CD96: variants seen among roughly 807,000 people sequenced by gnomAD.
The protein encoded by CD96 is CD96 molecule, also known as T-cell surface protein tactile.
A neutral mutation model predicts 71.3 loss-of-function variants in CD96; 70 were observed. The ratio of observed to expected loss-of-function variants is 0.98; its 90% CI spans 0.81 to 1.20. The LOEUF is 1.20. Ranked by LOEUF, CD96 falls within the 50% of genes most tolerant of loss-of-function variation. CD96 has a pLI of 0.00. For synonymous variants in CD96, 248 were observed against 233.0 expected (o/e 1.06, Z -0.59); for missense variants, 742 against 677.5 (o/e 1.10, Z -1.06).
chr3:111,549,258 C>A (rs1324618151), intron 2 of CD96, among the ~76,000 whole-genome samples: 1 of 151,520 alleles, frequency 6.6e-6, no homozygotes, highest in Admixed American at 6.6e-5. Context: ...AAGAACAGGA[C>A]ATGCAAAGGT....
rs1435692675 is a variant in CD96, at chr3:111,652,278, C to G, written c.*2472C>G. ...TAGTTCCTTATTAGTTCTCAAGAAACAAATGCTAGCTTCATATGTATGGCT... is the reference window on the plus strand; with the variant it reads ...TAGTTCCTTATTAGTTCTCAAGAAAGAAATGCTAGCTTCATATGTATGGCT... On this transcript the variant is annotated 3_prime_UTR_variant, in exon 14 of 14. Coordinates refer to ENST00000352690, the MANE Select transcript of CD96 (RefSeq NM_005816.5). The G allele has an allele frequency of 6.6e-6, 1 of 152,128 alleles. No homozygotes were observed. The highest frequency in any genetic ancestry group is 1.5e-5 in the Non-Finnish European group (1 of 68,022). The allele number at this position is 152,128 out of a possible 1,614,324, so 9.4% of individuals were successfully genotyped here.
At chr3:111,622,564 A>T (rs1938566251) in intron 8 of CD96, among the ~76,000 whole-genome samples, 1 of 152,194 alleles carries the variant, frequency 6.6e-6, no homozygotes, top group African/African-American at 2.4e-5. Context: ...TATTCATTTG[A>T]TTTGATTGCC....
At chr3:111,582,964 C>T (rs1270529861) in intron 4 of CD96, among the ~76,000 whole-genome samples, 1 of 152,206 alleles carries the variant, frequency 6.6e-6, no homozygotes, top group Admixed American at 6.5e-5. Context: ...AACAGTCCCC[C>T]ATATTCTCAA....
At chr3:111,588,286 C>G (rs1243910051) in intron 5 of CD96, among the ~76,000 whole-genome samples, 1 of 152,182 alleles carries the variant, frequency 6.6e-6, no homozygotes, top group Non-Finnish European at 1.5e-5. Context: ...AGGGTAGGGG[C>G]AAAATGCCAC....
chr3:111,553,089 A>G (rs1934800244), intron 2 of CD96, among the ~76,000 whole-genome samples: 2 of 151,932 alleles, frequency 1.3e-5, no homozygotes. Flanking sequence ...TCATTAAAAA[A>G]AAGCCATAAT....
chr3:111,582,302 G>A (rs539500103), intron 4 of CD96, among the ~76,000 whole-genome samples: 1 of 152,300 alleles, frequency 6.6e-6, no homozygotes, highest in African/African-American at 2.4e-5. Flanking sequence ...AGTCATAGAA[G>A]GCTGTGTTTG....
chr3:111,545,266 T>TC lies in CD96; in HGVS notation c.284dup (p.Glu96Ter). ...AGTCACTTGTGACTTTCACAGAAAC[T>TC]CCTGAGAATGGGTCAAAATGGACTC... is the stretch of plus-strand genomic sequence containing the variant. On this transcript the variant is annotated frameshift_variant, in exon 2 of 14. Coordinates refer to ENST00000352690, the MANE Select transcript of CD96 (RefSeq NM_005816.5). LOFTEE classifies it high-confidence loss of function. The TC allele has an allele frequency of 6.2e-7, 1 of 1,614,056 alleles. No homozygotes were observed. Among genetic ancestry groups the TC allele is most frequent in the Non-Finnish European group, 8.5e-7 (1 of 1,179,972 alleles).
In CD96 at chr3:111,606,691, TC is replaced by T; in HGVS notation, c.1088-7del. On this transcript the variant is annotated splice_polypyrimidine_tract_variant and splice_region_variant and intron_variant, in intron 7 of 13. Coordinates refer to ENST00000352690, the MANE Select transcript of CD96 (RefSeq NM_005816.5). ...TTGTTCATTATAAATCTCTTTCTAATCCTTTAAGGTTCTGAAATTTCCTCAA... is the reference window on the plus strand; with the variant it reads ...TTGTTCATTATAAATCTCTTTCTAATCTTTAAGGTTCTGAAATTTCCTCAA... The T allele has an allele frequency of 7.2e-7, 1 of 1,388,962 alleles. No homozygotes were observed. The highest frequency in any genetic ancestry group is 1.0e-6 in the Non-Finnish European group (1 of 974,534). 86.0% of individuals were successfully genotyped at this position (1,388,962 alleles called of 1,614,324 possible).
intron 5 of CD96, among the ~76,000 whole-genome samples, chr3:111,591,011 G>C (rs1368042650): frequency 6.6e-6 from 1 of 152,092 alleles, no homozygotes; most frequent in Non-Finnish European, 1.5e-5. Flanking sequence ...TGAAACATAG[G>C]AAACAAAAGC....
chr3:111,593,395 A>T, intron 5 of CD96: 1 of 971,808 alleles, frequency 1.0e-6, no homozygotes, highest in Non-Finnish European at 1.4e-6. Flanking sequence ...GTCAATTCAG[A>T]CCTGCTCAGA....
At chr3:111,577,492 T>C (rs1402138631) in intron 3 of CD96, 2 of 1,595,216 alleles carry the variant, frequency 1.3e-6, no homozygotes, top group Non-Finnish European at 1.7e-6. Context: ...CTTTTGCTCT[T>C]CTTCCTTAGG....
At chr3:111,625,957 C>T (rs1938728919) in intron 10 of CD96, among the ~76,000 whole-genome samples, 1 of 152,046 alleles carries the variant, frequency 6.6e-6, no homozygotes, top group East Asian at 1.9e-4. Flanking sequence ...ACAAAATAAA[C>T]AAAAGTCACA....
At chr3:111,586,424 C>G (rs1344792845) in intron 5 of CD96, among the ~76,000 whole-genome samples, 1 of 152,164 alleles carries the variant, frequency 6.6e-6, no homozygotes, top group East Asian at 1.9e-4. Flanking sequence ...GATGGTTTTG[C>G]ATAACTTGGA....
chr3:111,610,896 A>T (rs1024077428), intron 8 of CD96, among the ~76,000 whole-genome samples: 1 of 152,206 alleles, frequency 6.6e-6, no homozygotes, highest in Non-Finnish European at 1.5e-5. Flanking sequence ...TGTGGCAATC[A>T]TCCAAGACAC....
At chr3:111,626,444 A>G (rs1938765959) in intron 10 of CD96, among the ~76,000 whole-genome samples, 1 of 152,206 alleles carries the variant, frequency 6.6e-6, no homozygotes, top group Non-Finnish European at 1.5e-5. Context: ...CAACTATTGA[A>G]TAGGATTTAT....
chr3:111,639,692 T>G (rs947780124), intron 12 of CD96, among the ~76,000 whole-genome samples: 1 of 152,076 alleles, frequency 6.6e-6, no homozygotes, highest in African/African-American at 2.4e-5. Context: ...AACAAAGCAT[T>G]AAACCACCAA....
chr3:111,570,690 G>A, intron 3 of CD96: 6 of 1,612,054 alleles, frequency 3.7e-6, no homozygotes, highest in East Asian at 2.2e-5. Context: ...GGAATCAGAG[G>A]GGCTGCTGTA....
At chr3:111,633,507 AAAAAAT>A (rs1469281295) in intron 10 of CD96, among the ~76,000 whole-genome samples, 1 of 152,212 alleles carries the variant, frequency 6.6e-6, no homozygotes, top group Non-Finnish European at 1.5e-5. Context: ...ACAATTTGTA[AAAAAAT>A]AAAAATAAAA....
chr3:111,594,148 C>T (rs1346430374), intron 5 of CD96: 3 of 1,612,896 alleles, frequency 1.9e-6, no homozygotes, highest in Non-Finnish European at 2.5e-6. Context: ...TCTCTAAGTC[C>T]CCTTTTGCCT....
Sources: gnomAD v4.1 joint callset for allele counts (sites outside exome capture counted in the v4.1 genomes callset) on GRCh38, gnomAD v4.1.1 for gene constraint, MANE v1.5 for transcripts, NCBI Gene and HGNC (gene_info 2026-07-23, HGNC 2026-07-21) for gene names.